The following ATP8B1 variants were observed in gnomAD, a reference collection of about 807,000 sequenced individuals.
ATP8B1 encodes the protein phospholipid-transporting ATPase IC.
A neutral mutation model predicts 149.9 loss-of-function variants in ATP8B1; 80 were observed. The ratio of observed to expected loss-of-function variants is 0.53; its 90% confidence interval spans 0.45 to 0.64. The LOEUF (loss-of-function observed/expected upper bound fraction) is 0.64, where lower values mean the gene tolerates loss of function less well. Ranked by LOEUF, ATP8B1 falls within the 30% of genes least tolerant of loss-of-function variation. The pLI, the probability that ATP8B1 is intolerant of heterozygous loss-of-function variation, is 0.00. For missense variants in ATP8B1, 1,247 were observed against 1,552.6 expected, an observed-to-expected ratio of 0.80 and a Z score of 3.31; for synonymous variants, 536 against 562.8, an observed-to-expected ratio of 0.95 and a Z score of 0.67.
intron 2 of ATP8B1, among the ~76,000 whole-genome samples, chr18:57,710,173 G>A (rs1294209881): frequency 6.6e-6 from 1 of 151,952 alleles, no homozygotes; most frequent in East Asian, 1.9e-4. Context: ...TATTGACAAA[G>A]AAAAGAGAAG....
At chr18:57,712,282 C>T (rs1913726936) in intron 2 of ATP8B1, among the ~76,000 whole-genome samples, 1 of 152,124 alleles carries the variant, frequency 6.6e-6, no homozygotes, top group South Asian at 2.1e-4. Flanking sequence ...AATGCCACCC[C>T]TCCCCCAGCC....
chr18:57,718,103 T>TAA (rs59629558), intron 2 of ATP8B1, among the ~76,000 whole-genome samples: 10 of 31,812 alleles, frequency 3.1e-4, no homozygotes, highest in South Asian at 1.3e-3. Context: ...CTGGACTAAC[T>TAA]AAAAAAAAAA....
chr18:57,662,412 G>A (rs191982805), intron 21 of ATP8B1, 71 bp downstream of exon 21: 479 of 1,578,816 alleles, frequency 3.0e-4, no homozygotes, highest in Non-Finnish European at 3.9e-4. Flanking sequence ...ACATGTGAAA[G>A]CATCTAAAAG....
chr18:57,738,771 TCTAA>T (rs2079883651), intron 1 of ATP8B1, among the ~76,000 whole-genome samples: 1 of 151,734 alleles, frequency 6.6e-6, no homozygotes, highest in South Asian at 2.1e-4. Flanking sequence ...GCGAGATCCC[TCTAA>T]CTAGACTTTC....
chr18:57,785,717 T>C (rs1179279475), intron 1 of ATP8B1, among the ~76,000 whole-genome samples: 1 of 152,062 alleles, frequency 6.6e-6, no homozygotes, highest in Admixed American at 6.5e-5. Context: ...TGTTGGCCAG[T>C]CTGGTCTCAA....
intron 20 of ATP8B1, among the ~76,000 whole-genome samples, chr18:57,663,259 T>C (rs548447558): frequency 6.6e-6 from 1 of 152,316 alleles, no homozygotes; most frequent in South Asian, 2.1e-4. Flanking sequence ...ATATATGTCA[T>C]AATTTCCTTC....
At chr18:57,729,847 G>A (rs1396389729) in intron 2 of ATP8B1, among the ~76,000 whole-genome samples, 3 of 58 alleles carry the variant, frequency 0.052, no homozygotes, top group African/African-American at 0.21. Flanking sequence ...CACTGTGCCC[G>A]GCAGGGAATT....
At chr18:57,716,196 T>C (rs1324414373) in intron 2 of ATP8B1, among the ~76,000 whole-genome samples, 2 of 151,406 alleles carry the variant, frequency 1.3e-5, no homozygotes, top group African/African-American at 4.9e-5. Context: ...AAACATACAA[T>C]GGATATATAC....
intron 1 of ATP8B1, among the ~76,000 whole-genome samples, chr18:57,766,083 G>A (rs981921598): frequency 4.1e-5 from 6 of 147,636 alleles, no homozygotes; most frequent in African/African-American, 1.5e-4. Flanking sequence ...TGCTCTTGTT[G>A]CCCAGGCTGG....
intron 1 of ATP8B1, among the ~76,000 whole-genome samples, chr18:57,779,543 C>T (rs1036623317): frequency 3.9e-5 from 6 of 152,178 alleles, no homozygotes; most frequent in Admixed American, 6.5e-5. Context: ...ATTTTAGCAA[C>T]ACCGAACATG....
intron 1 of ATP8B1, among the ~76,000 whole-genome samples, chr18:57,756,303 A>G (rs1045828372): frequency 8.8e-5 from 10 of 113,430 alleles, no homozygotes; most frequent in Non-Finnish European, 1.6e-4. Context: ...GTGTGTATGT[A>G]TATATATATA....
chr18:57,649,778 C>A (rs1909481503), intron 27 of ATP8B1, among the ~76,000 whole-genome samples: 1 of 152,114 alleles, frequency 6.6e-6, no homozygotes, highest in Admixed American at 6.5e-5. Flanking sequence ...GCTCTTATCT[C>A]CCCCCGACAC....
intron 10 of ATP8B1, among the ~76,000 whole-genome samples, 180 bp from the exon 11 acceptor site, chr18:57,694,850 C>CA (rs1003597858): frequency 2.0e-4 from 31 of 151,796 alleles, no homozygotes; most frequent in Non-Finnish European, 1.5e-5. Flanking sequence ...GCCAACATGG[C>CA]AAAACCCTGT....
intron 1 of ATP8B1, among the ~76,000 whole-genome samples, chr18:57,772,734 G>A (rs368295865): frequency 9.2e-5 from 14 of 152,178 alleles, no homozygotes; most frequent in Middle Eastern, 3.4e-3. Context: ...GGAATTCGGC[G>A]CACAGAAGCC....
At chr18:57,761,130 A>G (rs951802763) in intron 1 of ATP8B1, among the ~76,000 whole-genome samples, 31 of 148,386 alleles carry the variant, frequency 2.1e-4, no homozygotes, top group African/African-American at 7.1e-4. Flanking sequence ...AAAATAAAAT[A>G]AAATAAAATA....
In ATP8B1 at chr18:57,779,628, G is replaced by A. The variant is rs149612224; in HGVS notation, c.-26+23370C>T. 2.4e-4 allele frequency among the ~76,000 whole-genome samples: 36 copies of A among 152,286 alleles called. 2 individuals are homozygous for A. In the East Asian group the frequency reaches 6.8e-3, roughly 29 times the overall value. On this transcript the variant is annotated intron_variant, in intron 1 of 27. Transcript: ENST00000648908. Reference sequence around the variant, plus strand: ...TGAAAGAAAAAATAGGGGCGGGCATGGCGGCTCACGCCTGTAATCCCAGCA... The same window carrying A: ...TGAAAGAAAAAATAGGGGCGGGCATAGCGGCTCACGCCTGTAATCCCAGCA...
At chr18:57,729,549 C>CTTTTTTTTTTTTTTTTTTTT (rs71171074) in intron 2 of ATP8B1, among the ~76,000 whole-genome samples, 13 of 120,734 alleles carry the variant, frequency 1.1e-4, no homozygotes, top group East Asian at 5.5e-4. Context: ...TTCTTTCTTT[C>CTTTTTTTTTTTTTTTTTTTT]TTTTTTTTTT....
At position 57,717,799 on chromosome 18, in the gene ATP8B1, G is replaced by A. The variant is rs185463465; in HGVS notation, c.182-11212C>T. ...TGCCCAGGCTGGAGTGCAGTGGTGC[G>A]ATCTTGGCTCACTGCAACCTCCGCC... On this transcript the variant is annotated intron_variant, in intron 2 of 27. Transcript: ENST00000648908. Among the ~76,000 whole-genome samples, 9 of 150,970 alleles carry A rather than the reference G, an allele frequency of 6.0e-5. No individual in the cohort carries two copies. The East Asian group carries it at 7.9e-4, about 13-fold the overall frequency.
chr18:57,792,025 A>T (rs142732295), intron 1 of ATP8B1, among the ~76,000 whole-genome samples: 2 of 152,318 alleles, frequency 1.3e-5, no homozygotes, highest in East Asian at 3.9e-4. Context: ...GAAAATCACT[A>T]GGCCACCTGA....
Sources: gnomAD v4.1 joint callset for allele counts (sites outside exome capture counted in the v4.1 genomes callset) on GRCh38, gnomAD v4.1.1 for gene constraint, MANE v1.5 for transcripts, NCBI Gene and HGNC (gene_info 2026-07-23, HGNC 2026-07-21) for gene names.